LRFN5: variants seen among roughly 807,000 people sequenced by gnomAD.
LRFN5 encodes leucine rich repeat and fibronectin type III domain containing 5.
In LRFN5, 24 loss-of-function variants were observed where a neutral mutation model predicts 45.6. That is an observed-to-expected ratio of 0.53 (90% CI 0.38 to 0.74). LRFN5 has a LOEUF of 0.74. Ranked by LOEUF, LRFN5 falls within the 30% of genes least tolerant of loss-of-function variation. The pLI is 0.00. For synonymous variants in LRFN5, 340 were observed against 313.8 expected, an observed-to-expected ratio of 1.08 and a Z score of -0.88; for missense variants, 776 against 861.5, an observed-to-expected ratio of 0.90 and a Z score of 1.24.
chr14:41,669,950 G>T (rs1219397334), intron 1 of LRFN5, among the ~76,000 whole-genome samples: 2 of 145,460 alleles, frequency 1.4e-5, no homozygotes, highest in East Asian at 4.4e-4. Flanking sequence ...AAAAAAATTT[G>T]CTATATTAAA....
intron 1 of LRFN5, among the ~76,000 whole-genome samples, chr14:41,765,634 T>C (rs1266412395): frequency 6.6e-6 from 1 of 152,190 alleles, no homozygotes; most frequent in African/African-American, 2.4e-5. Flanking sequence ...TGTATCAACA[T>C]GGTTGTCAAA....
intron 1 of LRFN5, among the ~76,000 whole-genome samples, chr14:41,740,036 G>A (rs1033151186): frequency 1.3e-5 from 2 of 152,058 alleles, no homozygotes; most frequent in Admixed American, 1.3e-4. Flanking sequence ...TAAGTAAGGA[G>A]ATTGAATCAA....
At chr14:41,697,019 A>G (rs1882641850) in intron 1 of LRFN5, among the ~76,000 whole-genome samples, 1 of 151,942 alleles carries the variant, frequency 6.6e-6, no homozygotes, top group African/African-American at 2.4e-5. Context: ...GTATCTTTCA[A>G]TTGTTAATCT....
intron 1 of LRFN5, among the ~76,000 whole-genome samples, chr14:41,735,264 ATT>A (rs1290809564): frequency 1.3e-5 from 2 of 151,546 alleles, no homozygotes; most frequent in Non-Finnish European, 2.9e-5. Flanking sequence ...CTTTATTTTT[ATT>A]TTTATTTTAT....
intron 3 of LRFN5, among the ~76,000 whole-genome samples, chr14:41,888,902 A>G (rs1466351638): frequency 1.3e-5 from 2 of 151,772 alleles, no homozygotes; most frequent in Admixed American, 1.3e-4. Context: ...TCACTTTGTG[A>G]GAGGCTTACT....
At chr14:41,867,056 TTATTGACATAA>T (rs550656788) in intron 2 of LRFN5, among the ~76,000 whole-genome samples, 180 of 151,986 alleles carry the variant, frequency 1.2e-3, no homozygotes, top group African/African-American at 4.1e-3. Flanking sequence ...ACTGAAAAGG[TTATTGACATAA>T]CCTTTAATTA....
At chr14:41,888,069 A>G in intron 3 of LRFN5, 59 bp downstream of exon 3, 2 of 1,341,202 alleles carry the variant, frequency 1.5e-6, no homozygotes, top group Non-Finnish European at 2.1e-6. Context: ...GAATTTGTTA[A>G]TGTACTACTG....
chr14:41,698,676 A>G (rs1882715716), intron 1 of LRFN5, among the ~76,000 whole-genome samples: 1 of 152,064 alleles, frequency 6.6e-6, no homozygotes, highest in Non-Finnish European at 1.5e-5. Context: ...TAGAGACTGG[A>G]TTCTAGTCTT....
chr14:41,889,365 T>C (rs2139157727), intron 3 of LRFN5, among the ~76,000 whole-genome samples: 1 of 151,944 alleles, frequency 6.6e-6, no homozygotes, highest in South Asian at 2.1e-4. Context: ...AGACTAAAGG[T>C]CTCTAATATC....
intron 1 of LRFN5, among the ~76,000 whole-genome samples, chr14:41,686,830 G>A (rs1219668906): frequency 1.3e-5 from 2 of 152,184 alleles, no homozygotes; most frequent in African/African-American, 4.8e-5. Context: ...ATGGGGATAA[G>A]TTTTTTGATG....
At chr14:41,663,575 TGAATG>T (rs952421801) in intron 1 of LRFN5, among the ~76,000 whole-genome samples, 1 of 152,022 alleles carries the variant, frequency 6.6e-6, no homozygotes. Context: ...AGGATTACCT[TGAATG>T]GAATCTCATT....
At chr14:41,788,785 G>C (rs1886817831) in intron 2 of LRFN5, among the ~76,000 whole-genome samples, 1 of 151,788 alleles carries the variant, frequency 6.6e-6, no homozygotes, top group African/African-American at 2.4e-5. Context: ...ACTTTTCTTT[G>C]AGATGTCACG....
chr14:41,706,097 CTT>C (rs934465849), intron 1 of LRFN5, among the ~76,000 whole-genome samples: 1 of 149,002 alleles, frequency 6.7e-6, no homozygotes, highest in African/African-American at 2.5e-5. Context: ...AGTTCCGGAA[CTT>C]TTTTTTTTGT....
chr14:41,680,533 T>TCA, intron 1 of LRFN5, among the ~76,000 whole-genome samples: 1 of 152,096 alleles, frequency 6.6e-6, no homozygotes, highest in African/African-American at 2.4e-5. Context: ...CTCTATGAGT[T>TCA]TTTAAGAGCC....
intron 1 of LRFN5, among the ~76,000 whole-genome samples, chr14:41,739,433 C>T (rs572135000): frequency 5.6e-4 from 84 of 150,762 alleles, no homozygotes; most frequent in Admixed American, 8.6e-4. Context: ...TCTTGAAGAA[C>T]TCACAAATAT....
intron 1 of LRFN5, among the ~76,000 whole-genome samples, chr14:41,666,843 C>T (rs1880922863): frequency 1.3e-5 from 2 of 152,064 alleles, no homozygotes; most frequent in South Asian, 4.1e-4. Context: ...GAAGGCTATG[C>T]AACAGTGATA....
At chr14:41,736,672 A>G (rs886817487) in intron 1 of LRFN5, among the ~76,000 whole-genome samples, 15 of 152,300 alleles carry the variant, frequency 9.8e-5, no homozygotes, top group Admixed American at 3.3e-4. Context: ...AGGGGACATC[A>G]CCATTGATCC....
chr14:41,754,976 G>C (rs1045595853), intron 1 of LRFN5, among the ~76,000 whole-genome samples: 1 of 151,972 alleles, frequency 6.6e-6, no homozygotes, highest in Non-Finnish European at 1.5e-5. Context: ...CTTTGTTCTC[G>C]TTGGTTTCAA....
chr14:41,823,524 TGGG>T (rs1166202666), intron 2 of LRFN5, among the ~76,000 whole-genome samples: 1 of 152,136 alleles, frequency 6.6e-6, no homozygotes, highest in Non-Finnish European at 1.5e-5. Context: ...GTTAGTCTTT[TGGG>T]ATTTATTTTA....
Sources: allele counts gnomAD v4.1 joint callset (sites outside exome capture counted in the v4.1 genomes callset), GRCh38; gene constraint gnomAD v4.1.1; transcripts MANE v1.5; gene names NCBI Gene and HGNC (gene_info 2026-07-23, HGNC 2026-07-21).